Variants in ODC1 observed in about 807,000 individuals in gnomAD.
ODC1 encodes ornithine decarboxylase.
ODC1 carries 18 observed loss-of-function variants against 41.5 expected under a neutral mutation model. The observed-to-expected ratio is 0.43, with a 90% CI of 0.30 to 0.64. The LOEUF (loss-of-function observed/expected upper bound fraction) is 0.64, where lower values mean the gene tolerates loss of function less well. Among genes scored for constraint, ODC1 ranks in the 30% least tolerant of loss-of-function variants. ODC1 has a pLI of 0.11. For synonymous variants in ODC1, 218 were observed against 211.6 expected (o/e 1.03, Z -0.26); for missense variants, 504 against 589.0 (o/e 0.86, Z 1.49).
chr2:10,443,332 G>A lies in ODC1; in HGVS notation c.667-19C>T. ...CCTCAGCCTAGAATCAAGAAAATAA[G>A]TCAGCCAGATCCACAGCTAATAACA... On this transcript the variant is annotated intron_variant, in intron 7 of 11. Transcript: ENST00000234111. The A allele has an allele frequency of 6.2e-7, 1 of 1,606,066 alleles. No individual in the cohort carries two copies. Among genetic ancestry groups the A allele is most frequent in the Non-Finnish European group, 8.5e-7 (1 of 1,176,142 alleles).
rs1273332800 is a variant in ODC1, at chr2:10,439,999, T to C, written c.*725A>G. On this transcript the variant is annotated 3_prime_UTR_variant, in exon 12 of 12. Coordinates refer to ENST00000234111, the MANE Select transcript of ODC1 (RefSeq NM_002539.3). ...CTTGCTGTTGCTGAATTTATTAAAA[T>C]AAGCTGACTGCCAAATGTGGTACCG... The C allele has an allele frequency of 1.3e-5, 2 of 152,276 alleles. No individual in the cohort carries two copies. Among genetic ancestry groups the C allele is most frequent in the Non-Finnish European group, 2.9e-5 (2 of 68,088 alleles). 9.4% of individuals were successfully genotyped at this position (152,276 alleles called of 1,614,324 possible).
chr2:10,442,674 C>T (rs534354308), intron 8 of ODC1, among the ~76,000 whole-genome samples: 14 of 152,116 alleles, frequency 9.2e-5, no homozygotes, highest in South Asian at 2.1e-4. Context: ...TGATGTGCTA[C>T]AGTCAGCATA....
chr2:10,441,842 G>T lies in ODC1; in HGVS notation c.1001C>A (p.Ala334Glu), dbSNP rs759803754. The change falls in exon 10 of 12, where the codon GCA becomes GAA. Residue 334 changes from alanine to glutamate, a missense_variant. Around this residue, in one of 3 missense-constraint regions of ODC1, gnomAD observed 447 missense variants for 524.4 expected, o/e 0.85. Transcript: ENST00000234111. ...GSFNCILYDH[A>E]HVKPLLQKRP... ...CTTTTGCAGAAGGGGCTTTACATGT[G>T]CGTGGTCATAGAGTATGCAATTAAA... 3.1e-6 allele frequency: 5 copies of T among 1,613,968 alleles called. No homozygotes were observed. Among genetic ancestry groups the T allele is most frequent in the South Asian group, 1.1e-5 (1 of 91,092 alleles).
chr2:10,441,758 A>G, intron 10 of ODC1, 35 bp from the exon 11 acceptor site: 1 of 1,612,078 alleles, frequency 6.2e-7, no homozygotes, highest in East Asian at 2.2e-5. Flanking sequence ...AGTACTACTT[A>G]ATTACACGTG....
chr2:10,442,298 T>C, intron 8 of ODC1, 124 bp from the exon 9 acceptor site: 2 of 1,040,888 alleles, frequency 1.9e-6, no homozygotes, highest in South Asian at 3.9e-5. Flanking sequence ...AGGTTTATCA[T>C]TAAAGTAACA....
At chr2:10,444,831 A>T (rs991558312) in intron 3 of ODC1, 100 bp downstream of exon 3, 1 of 912,974 alleles carries the variant, frequency 1.1e-6, no homozygotes, top group Non-Finnish European at 1.7e-6. Flanking sequence ...ATTCCATAAC[A>T]AGACATGTAA....
rs1433116044 is a variant in ODC1, at chr2:10,448,172, G to T, written c.-179C>A. Reference sequence around the variant, plus strand: ...AGCCCCATGGGGAAGCGCAGACGCCGGAGCCTGAGTCGCAGCCGCAGGAGC... The same window carrying T: ...AGCCCCATGGGGAAGCGCAGACGCCTGAGCCTGAGTCGCAGCCGCAGGAGC... On this transcript the variant is annotated 5_prime_UTR_variant, in exon 1 of 12. Coordinates refer to ENST00000234111, the MANE Select transcript of ODC1 (RefSeq NM_002539.3). 5.5e-6 allele frequency: 1 copy of T among 183,014 alleles called. No homozygotes were observed. The highest frequency in any genetic ancestry group is 1.1e-5 in the Non-Finnish European group (1 of 89,478). 11.3% of individuals were successfully genotyped at this position (183,014 alleles called of 1,614,324 possible).
At chr2:10,445,729 G>A (rs1021726889) in intron 1 of ODC1, among the ~76,000 whole-genome samples, 2 of 152,056 alleles carry the variant, frequency 1.3e-5, no homozygotes, top group East Asian at 1.9e-4. Context: ...TCTGCCTCCC[G>A]GGTTCAAGCG....
At position 10,443,274 on chromosome 2, in the gene ODC1, C is replaced by T. The variant is rs143860094; in HGVS notation, c.706G>A (p.Gly236Ser). 10 of 1,612,362 alleles carry T rather than the reference C, an allele frequency of 6.2e-6. No individual in the cohort carries two copies. The African/African-American group carries it at 6.7e-5, about 11-fold the overall frequency. ...GFSMYLLDIGGGFPGSEDVKL... is the reference protein window; with the variant it reads ...GFSMYLLDIGSGFPGSEDVKL... ...ACATCCTCAGATCCAGGAAAGCCAC[C>T]GCCAATATCAAGCAGATACATGCTG... Residue 236 changes from glycine to serine, a missense_variant, in exon 8 of 12, where the codon GGT (glycine) becomes AGT (serine). Gly to Ser is a moderately conservative substitution (Grantham distance 56). Around this residue, in one of 3 missense-constraint regions of ODC1, gnomAD observed 447 missense variants for 524.4 expected, o/e 0.85. Coordinates refer to ENST00000234111, the MANE Select transcript of ODC1 (RefSeq NM_002539.3).
chr2:10,442,787 T>G (rs1020965106), intron 8 of ODC1, among the ~76,000 whole-genome samples: 9 of 152,066 alleles, frequency 5.9e-5, no homozygotes, highest in Non-Finnish European at 1.2e-4. Context: ...CATGGCTCAC[T>G]GCAGCCTCAA....
At chr2:10,443,346 C>T (rs2148068889) in intron 7 of ODC1, 33 bp from the exon 8 acceptor site, 1 of 1,594,034 alleles carries the variant, frequency 6.3e-7, no homozygotes, top group East Asian at 2.2e-5. Context: ...GCCAGATCCA[C>T]AGCTAATAAC....
At chr2:10,446,357 C>G (rs1355952252) in intron 1 of ODC1, among the ~76,000 whole-genome samples, 1 of 152,188 alleles carries the variant, frequency 6.6e-6, no homozygotes, top group Non-Finnish European at 1.5e-5. Context: ...TCAGGCTGGT[C>G]TCCAACTCCC....
At position 10,440,486 on chromosome 2, in the gene ODC1, G is replaced by C; in HGVS notation, c.*238C>G. On this transcript the variant is annotated 3_prime_UTR_variant, in exon 12 of 12. Transcript: ENST00000234111. ...TACAAATGCTTGTTCAGCAGCTGAG[G>C]GGCACTCTTGAGTAGCGTGTCTGAA... is the stretch of plus-strand genomic sequence containing the variant. The C allele has an allele frequency of 2.6e-6, 1 of 387,930 alleles. No homozygotes were observed. The highest frequency in any genetic ancestry group is 4.6e-6 in the Non-Finnish European group (1 of 215,854). The allele number at this position is 387,930 out of a possible 1,614,324, so 24.0% of individuals were successfully genotyped here.
Position 10,441,540 on chromosome 2 carries a change from T to A in ODC1, c.1210A>T (p.Thr404Ser). The A allele has an allele frequency of 1.2e-6, 2 of 1,614,152 alleles. No individual in the cohort carries two copies. The highest frequency in any genetic ancestry group is 1.7e-6 in the Non-Finnish European group (2 of 1,180,018). Residue 404 changes from threonine (T) to serine (S), a missense_variant, in exon 11 of 12, where the codon ACG becomes TCG. Thr to Ser is a moderately conservative substitution (Grantham distance 58). Around this residue, in one of 3 missense-constraint regions of ODC1, gnomAD observed 447 missense variants for 524.4 expected, o/e 0.85. Transcript: ENST00000234111. ...ASTFNGFQRP[T>S]IYYVMSGPAW... The stretch of plus-strand genomic sequence containing the variant: ...GGCCCTGACATCACATAGTAGATCG[T>A]CGGCCTCTGGAAGCCATTGAACGTA...
Position 10,444,967 on chromosome 2 carries a change from GT to G in ODC1, c.65del (p.Asp22AlafsTer28). Reference protein sequence around the residue: ...HFLDEGFTAKDILDQKINEVS... With the variant: ...HFLDEGFTAKXILDQKINEVS... The stretch of plus-strand genomic sequence containing the variant: ...CTTCATTAATTTTCTGGTCCAGAAT[GT>G]CCTTGGCAGTAAAACCTTCATCGAG... On this transcript the variant is annotated frameshift_variant, in exon 3 of 12. Coordinates refer to ENST00000234111, the MANE Select transcript of ODC1 (RefSeq NM_002539.3). LOFTEE classifies it high-confidence loss of function. 1 of 1,613,678 alleles carries G rather than the reference GT, an allele frequency of 6.2e-7. No individual in the cohort carries two copies. Among genetic ancestry groups the G allele is most frequent in the Non-Finnish European group, 8.5e-7 (1 of 1,179,596 alleles).
Position 10,441,521 on chromosome 2 carries a change from G to A in ODC1, c.1229C>T (p.Ser410Leu). ...ATGGCTTACTTACCACGCAGGCCCT[G>A]ACATCACATAGTAGATCGTCGGCCT... ...FQRPTIYYVM[S>L]GPAWQLMQQF... The change falls in exon 11 of 12, where the codon TCA becomes TTA. Residue 410 changes from serine (S) to leucine (L), a missense_variant. By Grantham distance (145) the Ser-to-Leu change is moderately radical (BLOSUM62 -2). Around this residue, in one of 3 missense-constraint regions of ODC1, gnomAD observed 447 missense variants for 524.4 expected, o/e 0.85. Coordinates refer to ENST00000234111, the MANE Select transcript of ODC1 (RefSeq NM_002539.3). 3 of 1,613,920 alleles carry A rather than the reference G, an allele frequency of 1.9e-6. No individual in the cohort carries two copies. Among genetic ancestry groups the A allele is most frequent in the Middle Eastern group, 1.6e-4 (1 of 6,062 alleles).
chr2:10,445,320 A>G, intron 1 of ODC1, 56 bp from the exon 2 acceptor site: 7 of 348,252 alleles, frequency 2.0e-5, no homozygotes, highest in South Asian at 1.8e-4. Context: ...CGAGTTGAAG[A>G]TGGGGCACTG....
intron 1 of ODC1, chr2:10,447,818 G>A (rs944547650): frequency 2.0e-5 from 3 of 152,408 alleles, no homozygotes; most frequent in Admixed American, 1.3e-4. Context: ...CGCGGCCGCC[G>A]AAGGGTTGGG....
chr2:10,443,159 A>C (rs980206699), intron 8 of ODC1, 71 bp downstream of exon 8: 36 of 1,246,020 alleles, frequency 2.9e-5, no homozygotes, highest in Non-Finnish European at 4.0e-5. Flanking sequence ...TAAGACACTT[A>C]AATTTTGAAA....
Sources: allele counts gnomAD v4.1 joint callset (sites outside exome capture counted in the v4.1 genomes callset), GRCh38; gene constraint gnomAD v4.1.1; regional missense constraint gnomAD v4.1.1; transcripts MANE v1.5; gene names NCBI Gene and HGNC (gene_info 2026-07-23, HGNC 2026-07-21).